DIAPH3: variants seen among roughly 807,000 people sequenced by gnomAD.
The protein encoded by DIAPH3 is diaphanous related formin 3, also known as protein diaphanous homolog 3.
Under a neutral mutation model 144.3 loss-of-function variants are expected in DIAPH3, and 117 were observed. That is an observed-to-expected ratio of 0.81 (90% CI 0.70 to 0.95). The LOEUF (loss-of-function observed/expected upper bound fraction) is 0.95. DIAPH3 is among the 40% of genes least tolerant of loss of function. DIAPH3 has a pLI of 0.00. For missense variants in DIAPH3, 1,421 were observed against 1,412.7 expected (o/e 1.01, Z -0.09); for synonymous variants, 519 against 488.9 (o/e 1.06, Z -0.81).
At chr13:59,786,882 G>A (rs1185253044) in intron 25 of DIAPH3, among the ~76,000 whole-genome samples, 1 of 152,126 alleles carries the variant, frequency 6.6e-6, no homozygotes, top group Non-Finnish European at 1.5e-5. Context: ...ACTGAGGCAG[G>A]AGGATCACTT....
intron 18 of DIAPH3, 106 bp downstream of exon 18, chr13:59,924,669 A>C: frequency 6.8e-7 from 1 of 1,473,074 alleles, no homozygotes; most frequent in Non-Finnish European, 9.1e-7. Flanking sequence ...TGCATATAAT[A>C]ACAAAATGAA....
chr13:59,752,835 G>C (rs2037080009), intron 27 of DIAPH3, among the ~76,000 whole-genome samples: 1 of 152,222 alleles, frequency 6.6e-6, no homozygotes, highest in Non-Finnish European at 1.5e-5. Context: ...GGGGAATGAA[G>C]AGAGAATGAA....
intron 17 of DIAPH3, among the ~76,000 whole-genome samples, chr13:59,945,927 T>C (rs1328619011): frequency 6.6e-6 from 1 of 152,196 alleles, no homozygotes; most frequent in African/African-American, 2.4e-5. Flanking sequence ...ATTAAAAATA[T>C]GCTTACGAAG....
intron 21 of DIAPH3, among the ~76,000 whole-genome samples, 179 bp downstream of exon 21, chr13:59,879,050 G>T (rs991825753): frequency 6.6e-6 from 1 of 152,034 alleles, no homozygotes; most frequent in Admixed American, 6.6e-5. Context: ...TTAATATTTG[G>T]ATTTAGTTCA....
chr13:59,988,848 T>C (rs891984863), intron 12 of DIAPH3, among the ~76,000 whole-genome samples: 2 of 151,820 alleles, frequency 1.3e-5, no homozygotes, highest in African/African-American at 4.8e-5. Flanking sequence ...AAACTGAATT[T>C]GATCTTCTCC....
intron 17 of DIAPH3, among the ~76,000 whole-genome samples, chr13:59,960,738 G>C (rs1052396860): frequency 2.0e-5 from 3 of 152,046 alleles, no homozygotes; most frequent in Admixed American, 6.6e-5. Flanking sequence ...AAAGTCACCA[G>C]TTCTATGCTC....
At chr13:60,084,341 G>T (rs544852193) in intron 4 of DIAPH3, among the ~76,000 whole-genome samples, 3 of 151,918 alleles carry the variant, frequency 2.0e-5, no homozygotes, top group Middle Eastern at 3.4e-3. Context: ...TCGACAAACG[G>T]TTTTTTTCTT....
chr13:59,692,503 C>T (rs1277753277), intron 27 of DIAPH3, among the ~76,000 whole-genome samples: 1 of 150,314 alleles, frequency 6.7e-6, no homozygotes, highest in Non-Finnish European at 1.5e-5. Flanking sequence ...CTTCTGGACA[C>T]TAAAGAATGC....
chr13:60,136,942 A>G (rs1187472560), intron 1 of DIAPH3, among the ~76,000 whole-genome samples: 2 of 2,688 alleles, frequency 7.4e-4, no homozygotes, highest in Non-Finnish European at 2.3e-3. Context: ...TCCGTCTCAA[A>G]AAAAAAAAAA....
intron 27 of DIAPH3, among the ~76,000 whole-genome samples, chr13:59,670,616 T>C (rs1006946621): frequency 3.3e-5 from 5 of 149,704 alleles, no homozygotes; most frequent in Admixed American, 1.3e-4. Flanking sequence ...ACAGTCTTGC[T>C]CTGTCGCCCA....
At chr13:59,988,277 T>C (rs551889375) in intron 12 of DIAPH3, among the ~76,000 whole-genome samples, 1 of 152,008 alleles carries the variant, frequency 6.6e-6, no homozygotes, top group African/African-American at 2.4e-5. Flanking sequence ...ATTTCTGCCA[T>C]AATAACCACA....
At chr13:59,700,062 G>T (rs2034015421) in intron 27 of DIAPH3, among the ~76,000 whole-genome samples, 1 of 152,160 alleles carries the variant, frequency 6.6e-6, no homozygotes, top group African/African-American at 2.4e-5. Context: ...CCTCACGTCT[G>T]AATGGACATT....
At position 59,802,667 on chromosome 13, in the gene DIAPH3, A is replaced by ATTATTT. The variant is rs1433627853; in HGVS notation, c.3163+8120_3163+8121insAAATAA. On this transcript the variant is annotated intron_variant, in intron 25 of 27. Transcript: ENST00000400324. ...CTATATTATTATTATTATTATTATT[A>ATTATTT]TTTTTTTTTTTTTTTTTTTTTTTTT... Among the ~76,000 whole-genome samples the ATTATTT allele has an allele frequency of 1.8e-3, 43 of 23,770 alleles. 1 individual carries two copies. Among genetic ancestry groups the ATTATTT allele is most frequent in the South Asian group, 7.1e-3 (2 of 282 alleles). 15.6% of individuals were successfully genotyped at this position (23,770 alleles called of 152,430 possible). A position where few individuals can be genotyped will look rare whatever the true frequency, so the allele number is the denominator to read the frequency against.
At chr13:60,076,276 C>T (rs2057377141) in intron 4 of DIAPH3, among the ~76,000 whole-genome samples, 2 of 152,206 alleles carry the variant, frequency 1.3e-5, no homozygotes, top group Admixed American at 6.5e-5. Context: ...GCTCCAGTCC[C>T]TCACAAGGGG....
chr13:59,766,865 A>G (rs955836924), intron 27 of DIAPH3, among the ~76,000 whole-genome samples: 9 of 151,764 alleles, frequency 5.9e-5, no homozygotes, highest in Non-Finnish European at 1.0e-4. Flanking sequence ...TTCAGTTTCT[A>G]CCAATACTGC....
intron 1 of DIAPH3, among the ~76,000 whole-genome samples, chr13:60,153,798 T>C (rs1951905359): frequency 6.6e-6 from 1 of 152,158 alleles, no homozygotes. Context: ...TCTGTACATA[T>C]ATTAGTAACA....
chr13:60,067,966 T>C (rs1475378392), intron 4 of DIAPH3, among the ~76,000 whole-genome samples: 1 of 152,188 alleles, frequency 6.6e-6, no homozygotes, highest in Non-Finnish European at 1.5e-5. Flanking sequence ...TATTTCTTAA[T>C]AGAATCATCT....
intron 25 of DIAPH3, among the ~76,000 whole-genome samples, chr13:59,776,943 AACAAAC>A (rs1222037232): frequency 2.1e-5 from 3 of 146,162 alleles, no homozygotes; most frequent in Admixed American, 6.6e-5. Context: ...CAAACAAACA[AACAAAC>A]AAAAAAACCC....
rs572030023 is a variant in DIAPH3, at chr13:60,159,992, G to A, written c.180+3595C>T. On this transcript the variant is annotated intron_variant, in intron 1 of 27. Coordinates refer to ENST00000400324, the MANE Select transcript of DIAPH3 (RefSeq NM_001042517.2). ...TGTAATCCCAGCACTTTGGGAGGCCGAGGTGGGCGGATCACGAGGTCAGGA... is the reference window on the plus strand; with the variant it reads ...TGTAATCCCAGCACTTTGGGAGGCCAAGGTGGGCGGATCACGAGGTCAGGA... Among the ~76,000 whole-genome samples the A allele has an allele frequency of 7.9e-5, 12 of 152,266 alleles. No individual in the cohort carries two copies. The South Asian group carries it at 1.2e-3, about 16-fold the overall frequency.
Sources: gnomAD v4.1 joint callset for allele counts (sites outside exome capture counted in the v4.1 genomes callset) on GRCh38, gnomAD v4.1.1 for gene constraint, MANE v1.5 for transcripts, NCBI Gene and HGNC (gene_info 2026-07-23, HGNC 2026-07-21) for gene names.